DLGAP2: variants seen among roughly 807,000 people sequenced by gnomAD.
The protein encoded by DLGAP2 is DLG associated protein 2, also known as disks large-associated protein 2.
A neutral mutation model predicts 100.3 loss-of-function variants in DLGAP2; 26 were observed. That is an observed-to-expected ratio of 0.26 (90% CI 0.19 to 0.36). The LOEUF (loss-of-function observed/expected upper bound fraction) is 0.36, where lower values mean the gene tolerates loss of function less well. DLGAP2 is among the 10% of genes least tolerant of loss of function. The pLI, the probability that DLGAP2 is intolerant of heterozygous loss-of-function variation, is 1.00. For missense variants in DLGAP2, 1,858 were observed against 1,453.2 expected (o/e 1.28, Z -4.53); for synonymous variants, 886 against 630.1 (o/e 1.41, Z -6.08).
chr8:1,316,039 G>A (rs1200256355), intron 3 of DLGAP2, among the ~76,000 whole-genome samples: 1 of 138,804 alleles, frequency 7.2e-6, no homozygotes. Flanking sequence ...GAGACACTTG[G>A]CAGCTTTTAA....
intron 1 of DLGAP2, among the ~76,000 whole-genome samples, chr8:790,248 G>C (rs192272640): frequency 6.6e-6 from 1 of 152,270 alleles, no homozygotes; most frequent in African/African-American, 2.4e-5. Context: ...GTAGAGGCTG[G>C]ACAAGCACCA....
At chr8:812,068 A>G (rs1314321428) in intron 1 of DLGAP2, among the ~76,000 whole-genome samples, 1 of 152,236 alleles carries the variant, frequency 6.6e-6, no homozygotes. Flanking sequence ...AAACGGGATC[A>G]GTAGGATGTG....
chr8:1,373,714 C>CA (rs1802311471), intron 3 of DLGAP2: 1 of 152,246 alleles, frequency 6.6e-6, no homozygotes, highest in Non-Finnish European at 1.5e-5. Flanking sequence ...TTAATCAACA[C>CA]AACGCTGTGG....
chr8:1,363,899 G>T (rs912571092), intron 3 of DLGAP2, among the ~76,000 whole-genome samples: 1 of 152,120 alleles, frequency 6.6e-6, no homozygotes, highest in African/African-American at 2.4e-5. Context: ...TCCCCGTGAG[G>T]TTGTGCCGGC....
At chr8:958,736 G>A (rs1182842345) in intron 2 of DLGAP2, among the ~76,000 whole-genome samples, 4 of 152,126 alleles carry the variant, frequency 2.6e-5, no homozygotes, top group African/African-American at 7.2e-5. Context: ...AAGAGTTTCA[G>A]TAGTTTAGTT....
At chr8:1,304,608 A>C (rs1490055177) in intron 3 of DLGAP2, among the ~76,000 whole-genome samples, 4 of 152,212 alleles carry the variant, frequency 2.6e-5, no homozygotes, top group Non-Finnish European at 5.9e-5. Flanking sequence ...AATTGTTCTT[A>C]ATCCAATAAT....
intron 2 of DLGAP2, among the ~76,000 whole-genome samples, chr8:1,121,890 G>C (rs957069446): frequency 1.3e-5 from 2 of 152,202 alleles, no homozygotes; most frequent in African/African-American, 2.4e-5. Context: ...TAGCATCCAT[G>C]AGCATCTGTC....
intron 8 of DLGAP2, among the ~76,000 whole-genome samples, chr8:1,644,414 C>T (rs1797991101): frequency 6.6e-6 from 1 of 152,224 alleles, no homozygotes; most frequent in African/African-American, 2.4e-5. Context: ...AGCCAGTCTT[C>T]CTGAAATTCT....
intron 14 of DLGAP2, 125 bp downstream of exon 14, chr8:1,697,424 C>G: frequency 7.3e-7 from 1 of 1,370,260 alleles, no homozygotes; most frequent in Non-Finnish European, 1.0e-6. Flanking sequence ...GAGCAAATTT[C>G]CCTCTATGTA....
At chr8:1,558,270 G>C (rs906003626) in intron 5 of DLGAP2, among the ~76,000 whole-genome samples, 1 of 152,214 alleles carries the variant, frequency 6.6e-6, no homozygotes, top group African/African-American at 2.4e-5. Flanking sequence ...CCCAGTCGCA[G>C]GCGGCTTAGA....
chr8:1,185,404 C>T (rs1797478080), intron 2 of DLGAP2, among the ~76,000 whole-genome samples: 1 of 151,902 alleles, frequency 6.6e-6, no homozygotes, highest in Non-Finnish European at 1.5e-5. Flanking sequence ...ACAAGGTGAC[C>T]CCTAAGGCCG....
chr8:1,574,237 G>A (rs764211379), intron 6 of DLGAP2, among the ~76,000 whole-genome samples: 5 of 152,106 alleles, frequency 3.3e-5, no homozygotes, highest in African/African-American at 7.2e-5. Context: ...CAGGTTCTGC[G>A]TCACCAGATT....
At chr8:1,090,682 G>A (rs1563186004) in intron 2 of DLGAP2, among the ~76,000 whole-genome samples, 1 of 152,224 alleles carries the variant, frequency 6.6e-6, no homozygotes. Context: ...AAGGCAGTAC[G>A]CTGTGTGGAC....
intron 3 of DLGAP2, among the ~76,000 whole-genome samples, chr8:1,432,438 G>A (rs1335714284): frequency 1.3e-5 from 2 of 152,178 alleles, no homozygotes; most frequent in Non-Finnish European, 2.9e-5. Flanking sequence ...CCACAGTCCT[G>A]TCTAAATGTT....
At chr8:1,383,840 C>G (rs1796150682) in intron 3 of DLGAP2, among the ~76,000 whole-genome samples, 1 of 152,214 alleles carries the variant, frequency 6.6e-6, no homozygotes. Context: ...GCAGAGTAAA[C>G]TAATGAATCT....
intron 3 of DLGAP2, among the ~76,000 whole-genome samples, chr8:1,424,179 C>G (rs549535665): frequency 1.1e-3 from 170 of 152,308 alleles, no homozygotes; most frequent in African/African-American, 3.8e-3. Context: ...CTCTTTCACG[C>G]AAGTTGAGAG....
At chr8:1,268,070 C>T (rs1455392571) in intron 3 of DLGAP2, among the ~76,000 whole-genome samples, 1 of 152,196 alleles carries the variant, frequency 6.6e-6, no homozygotes, top group Admixed American at 6.5e-5. Context: ...GACAATTACC[C>T]ATTTATGCAG....
intron 8 of DLGAP2, among the ~76,000 whole-genome samples, chr8:1,633,698 A>ACACAGCAAG (rs922071221): frequency 7.9e-5 from 12 of 152,214 alleles, no homozygotes; most frequent in African/African-American, 2.9e-4. Context: ...AACCCATAAA[A>ACACAGCAAG]CACAGCAAGC....
chr8:1,284,669 T>A (rs973384300), intron 3 of DLGAP2, among the ~76,000 whole-genome samples: 24 of 152,234 alleles, frequency 1.6e-4, no homozygotes, highest in Admixed American at 1.6e-3. Context: ...TCACCCAGGT[T>A]GGAATGAAGT....
Sources: allele counts gnomAD v4.1 joint callset (sites outside exome capture counted in the v4.1 genomes callset), GRCh38; gene constraint gnomAD v4.1.1; transcripts MANE v1.5; gene names NCBI Gene and HGNC (gene_info 2026-07-23, HGNC 2026-07-21).